CNTNAP2: variants seen among roughly 807,000 people sequenced by gnomAD.
CNTNAP2 encodes contactin associated protein 2.
CNTNAP2 carries 98 observed loss-of-function variants against 155.2 expected under a neutral mutation model. The observed-to-expected ratio is 0.63, with a 90% CI of 0.54 to 0.75. The LOEUF is 0.75. Ranked by LOEUF, CNTNAP2 falls within the 30% of genes least tolerant of loss-of-function variation. The pLI, the probability that CNTNAP2 is intolerant of heterozygous loss-of-function variation, is 0.00. For missense variants in CNTNAP2, 1,727 were observed against 1,688.1 expected (o/e 1.02, Z -0.40); for synonymous variants, 651 against 631.2 (o/e 1.03, Z -0.47).
chr7:147,721,292 G>C (rs145934348), intron 13 of CNTNAP2, among the ~76,000 whole-genome samples: 1 of 151,958 alleles, frequency 6.6e-6, no homozygotes, highest in East Asian at 1.9e-4. Flanking sequence ...TTGTTTATTT[G>C]TCTTGTTTGT....
intron 15 of CNTNAP2, among the ~76,000 whole-genome samples, chr7:148,005,950 C>G (rs1276355432): frequency 6.6e-6 from 1 of 152,148 alleles, no homozygotes; most frequent in Non-Finnish European, 1.5e-5. Context: ...TTCACAGTCC[C>G]TGCTTTCAAT....
intron 3 of CNTNAP2, among the ~76,000 whole-genome samples, chr7:146,951,630 A>ATCTGAT (rs1481763358): frequency 2.6e-5 from 4 of 151,856 alleles, no homozygotes; most frequent in Non-Finnish European, 5.9e-5. Flanking sequence ...TTTCTGAGGC[A>ATCTGAT]TCTGTTTGTT....
At chr7:147,250,017 C>T (rs1331800526) in intron 8 of CNTNAP2, among the ~76,000 whole-genome samples, 1 of 152,116 alleles carries the variant, frequency 6.6e-6, no homozygotes, top group Non-Finnish European at 1.5e-5. Flanking sequence ...CTTTTTTCCC[C>T]ATTGGAGGCA....
rs181470679 is a variant in CNTNAP2, at chr7:147,779,352, A to G, written c.2099-124213A>G. 6.6e-4 allele frequency among the ~76,000 whole-genome samples: 100 copies of G among 152,284 alleles called. No homozygotes were observed. The Middle Eastern group carries it at 0.01, about 16-fold the overall frequency. On this transcript the variant is annotated intron_variant, in intron 13 of 23. Transcript: ENST00000361727. ...TAAGATTTTTGATGAAAATGTTTAA[A>G]CGGTACTTGTATGCCACACAAGACC...
chr7:148,265,190 C>A (rs918461147), intron 20 of CNTNAP2, among the ~76,000 whole-genome samples: 29 of 152,188 alleles, frequency 1.9e-4, no homozygotes, highest in African/African-American at 4.1e-4. Context: ...TATTTAAGAG[C>A]AGAAACTGAA....
chr7:146,389,445 T>G (rs1304614418), intron 1 of CNTNAP2, among the ~76,000 whole-genome samples: 2 of 152,102 alleles, frequency 1.3e-5, no homozygotes, highest in Non-Finnish European at 2.9e-5. Flanking sequence ...CTATCTTTTC[T>G]ATCCTTTTTT....
intron 13 of CNTNAP2, among the ~76,000 whole-genome samples, chr7:147,721,044 A>G (rs1288219708): frequency 2.0e-5 from 3 of 152,100 alleles, no homozygotes; most frequent in Non-Finnish European, 1.5e-5. Context: ...TGCCTTGTCT[A>G]TGCTCAGCAT....
At chr7:147,236,663 ATTT>A (rs948757326) in intron 8 of CNTNAP2, among the ~76,000 whole-genome samples, 1 of 151,376 alleles carries the variant, frequency 6.6e-6, no homozygotes, top group Admixed American at 6.6e-5. Context: ...AGAAATTTCT[ATTT>A]TATTCTGCTC....
chr7:146,139,449 T>C (rs745410853), intron 1 of CNTNAP2, among the ~76,000 whole-genome samples: 71 of 152,316 alleles, frequency 4.7e-4, no homozygotes, highest in Admixed American at 8.5e-4. Flanking sequence ...ACTTTTTGAC[T>C]GTTGACACTT....
At chr7:147,940,300 C>CT (rs1342231183) in intron 14 of CNTNAP2, 1 of 17,526 alleles carries the variant, frequency 5.7e-5, no homozygotes, top group Non-Finnish European at 1.5e-4. Flanking sequence ...GACCCTGTCT[C>CT]TTTAAAAAAA....
At chr7:148,182,065 G>A (rs1281205408) in intron 18 of CNTNAP2, among the ~76,000 whole-genome samples, 3 of 152,024 alleles carry the variant, frequency 2.0e-5, no homozygotes, top group Admixed American at 2.0e-4. Flanking sequence ...CCAAGTGTGT[G>A]CCCTTTTCTA....
intron 8 of CNTNAP2, among the ~76,000 whole-genome samples, chr7:147,232,210 A>C (rs988445018): frequency 6.6e-6 from 1 of 152,238 alleles, no homozygotes; most frequent in African/African-American, 2.4e-5. Flanking sequence ...GCCCATATAC[A>C]TGGATTGGAA....
chr7:146,800,772 A>G (rs1473070662), intron 2 of CNTNAP2, among the ~76,000 whole-genome samples: 2 of 152,136 alleles, frequency 1.3e-5, no homozygotes, highest in African/African-American at 4.8e-5. Context: ...AAAACATGAA[A>G]CGAATTATAC....
intron 9 of CNTNAP2, among the ~76,000 whole-genome samples, chr7:147,382,886 T>A (rs1796559904): frequency 6.6e-6 from 1 of 151,830 alleles, no homozygotes; most frequent in Non-Finnish European, 1.5e-5. Flanking sequence ...AAGAAGAGAG[T>A]GGCACCTTCT....
intron 21 of CNTNAP2, among the ~76,000 whole-genome samples, chr7:148,351,720 G>A (rs1370879715): frequency 1.7e-5 from 2 of 119,028 alleles, no homozygotes; most frequent in African/African-American, 6.8e-5. Flanking sequence ...TCCAGCCTGG[G>A]CAACAGAGTG....
chr7:147,877,591 G>C (rs568507657), intron 13 of CNTNAP2, among the ~76,000 whole-genome samples: 120 of 152,226 alleles, frequency 7.9e-4, no homozygotes, highest in African/African-American at 2.8e-3. Context: ...GGTACTGTTT[G>C]AAAATTAATT....
At chr7:147,761,367 C>T (rs893499487) in intron 13 of CNTNAP2, among the ~76,000 whole-genome samples, 1 of 152,132 alleles carries the variant, frequency 6.6e-6, no homozygotes, top group Non-Finnish European at 1.5e-5. Flanking sequence ...CTCTTCCCAA[C>T]TCCAAGCACA....
intron 2 of CNTNAP2, among the ~76,000 whole-genome samples, chr7:146,837,888 C>A (rs1284628358): frequency 6.6e-6 from 1 of 152,092 alleles, no homozygotes; most frequent in East Asian, 1.9e-4. Context: ...AGTCTGAAAT[C>A]AAATTTTTCC....
chr7:146,155,464 G>A (rs1362143443), intron 1 of CNTNAP2, among the ~76,000 whole-genome samples: 2 of 151,844 alleles, frequency 1.3e-5, no homozygotes, highest in African/African-American at 2.4e-5. Context: ...TATGTGTCCC[G>A]GCCAGTCATG....
Sources: gnomAD v4.1 joint callset for allele counts (sites outside exome capture counted in the v4.1 genomes callset) on GRCh38, gnomAD v4.1.1 for gene constraint, MANE v1.5 for transcripts, NCBI Gene and HGNC (gene_info 2026-07-23, HGNC 2026-07-21) for gene names.